NLRP14: variants seen among roughly 807,000 people sequenced by gnomAD.
NLRP14 encodes NLR family pyrin domain containing 14.
Under a neutral mutation model 94.7 loss-of-function variants are expected in NLRP14, and 105 were observed. That is an observed-to-expected ratio of 1.11 (90% CI 0.95 to 1.30). The LOEUF (loss-of-function observed/expected upper bound fraction) is 1.30, where lower values mean the gene tolerates loss of function less well. Ranked by LOEUF, NLRP14 falls within the 50% of genes most tolerant of loss-of-function variation. The pLI is 0.00. For synonymous variants in NLRP14, 508 were observed against 459.9 expected, an observed-to-expected ratio of 1.10 and a Z score of -1.34; for missense variants, 1,362 against 1,254.1, an observed-to-expected ratio of 1.09 and a Z score of -1.30.
chr11:7,080,761 A>T, the NLRP14 span, among the ~76,000 whole-genome samples: 2 of 152,260 alleles, frequency 1.3e-5, no homozygotes, highest in African/African-American at 4.8e-5. Flanking sequence ...ATAGCGTAAG[A>T]CTTAAAGAAA....
chr11:7,058,240 TG>T lies in NLRP14; in HGVS notation c.2463-37del, dbSNP rs1343516753. On this transcript the variant is annotated intron_variant, in intron 7 of 11. Coordinates refer to ENST00000299481, the MANE Select transcript of NLRP14 (RefSeq NM_176822.4). ...TGAAGGAGAAGAGAAGCATGGGCTT[TG>T]GGAATTGACAGATCTCTTCTCATCT... 3 of 1,563,636 alleles carry T rather than the reference TG, an allele frequency of 1.9e-6. No homozygotes were observed. In the East Asian group the frequency reaches 6.7e-5, roughly 35 times the overall value.
At chr11:7,089,729 C>T in the NLRP14 span, 3 of 1,536,616 alleles carry the variant, frequency 2.0e-6, no homozygotes, top group African/African-American at 1.4e-5. Context: ...CCCCGCGCCG[C>T]GACCCCTACC....
chr11:7,089,327 G>A, the NLRP14 span: 1 of 1,607,904 alleles, frequency 6.2e-7, no homozygotes, highest in Non-Finnish European at 8.5e-7. Flanking sequence ...CCAGAGACAT[G>A]AACGGCAAGT....
At chr11:7,085,313 C>T in the NLRP14 span, among the ~76,000 whole-genome samples, 6,297 of 152,246 alleles carry the variant, frequency 0.041, 364 homozygotes, top group African/African-American at 0.13. Context: ...TGTATTCATA[C>T]TGTTGTGTAA....
intron 8 of NLRP14, 116 bp from the exon 9 acceptor site, chr11:7,059,778 T>A (rs1852584226): frequency 1.1e-6 from 1 of 897,080 alleles, no homozygotes; most frequent in Admixed American, 2.0e-5. Context: ...GTGTTTCATC[T>A]GAGATGGAAT....
intron 5 of NLRP14, among the ~76,000 whole-genome samples, 197 bp from the exon 6 acceptor site, chr11:7,049,474 G>A (rs910526682): frequency 3.3e-5 from 5 of 151,950 alleles, no homozygotes; most frequent in South Asian, 2.1e-4. Flanking sequence ...CTTCTTTTCC[G>A]TTAAGGTAAA....
At chr11:7,075,186 A>T (rs908921968), downstream of NLRP14, among the ~76,000 whole-genome samples, 2 of 152,172 alleles carry the variant, frequency 1.3e-5, no homozygotes, top group Non-Finnish European at 2.9e-5. Context: ...CCGTTGGCCA[A>T]CTGGGGATCC....
chr11:7,059,926 G>T lies in NLRP14; in HGVS notation c.2666G>T (p.Ser889Ile). 6.2e-7 allele frequency: 1 copy of T among 1,612,570 alleles called. No homozygotes were observed. The highest frequency in any genetic ancestry group is 2.2e-5 in the East Asian group (1 of 44,860). Residue 889 changes from serine (S) to isoleucine (I), a missense_variant, in exon 9 of 12, where the codon AGT (serine) becomes ATT (isoleucine). By Grantham distance (142) the Ser-to-Ile change is moderately radical. Coordinates refer to ENST00000299481, the MANE Select transcript of NLRP14 (RefSeq NM_176822.4). The part of the protein sequence containing the change: ...LRRCHFTSLS[S>I]EYLSTSLLHN... The stretch of plus-strand genomic sequence containing the variant: ...CGTTGCCATTTCACTTCACTTAGCA[G>T]TGAATATCTGTCAACTTCTCTTCTA...
At chr11:7,088,778 C>G in the NLRP14 span, among the ~76,000 whole-genome samples, 1 of 152,244 alleles carries the variant, frequency 6.6e-6, no homozygotes, top group Admixed American at 6.5e-5. Context: ...CTCATTAAAA[C>G]TAATAGAAAA....
chr11:7,075,207 T>C (rs961783593), downstream of NLRP14, among the ~76,000 whole-genome samples: 5 of 152,190 alleles, frequency 3.3e-5, no homozygotes, highest in South Asian at 2.1e-4. Context: ...ATTCAGTCAG[T>C]TGGGGACTTT....
Position 7,046,688 on chromosome 11 carries a change from A to G in NLRP14, c.1979A>G (p.His660Arg), listed in dbSNP as rs78522234. ...TNTWDGDRIT[H>R]CWQDLCSVLH... Reference sequence around the variant, plus strand: ...CAAAGGGATGGTGATCGCATTACTCACTGTTGGCAAGATCTCTGTTCTGTG... The same window carrying G: ...CAAAGGGATGGTGATCGCATTACTCGCTGTTGGCAAGATCTCTGTTCTGTG... Residue 660 changes from histidine (H) to arginine (R), a missense_variant, in exon 5 of 12, where the codon CAC (histidine) becomes CGC (arginine). By Grantham distance (29) the His-to-Arg change is conservative. Coordinates refer to ENST00000299481, the MANE Select transcript of NLRP14 (RefSeq NM_176822.4). The G allele has an allele frequency of 6.2e-7, 1 of 1,613,760 alleles. No individual in the cohort carries two copies. The highest frequency in any genetic ancestry group is 8.5e-7 in the Non-Finnish European group (1 of 1,179,632).
In NLRP14 at chr11:7,049,724, T is replaced by C; in HGVS notation, c.2177T>C (p.Ile726Thr). Residue 726 changes from isoleucine (I) to threonine (T), a missense_variant, in exon 6 of 12, where the codon ATT becomes ACT. Transcript: ENST00000299481. ...TGTCAGGATATCTCTACTTCTTTGA[T>C]TCATAACAAGAATCTGATGCATCTT... is the stretch of plus-strand genomic sequence containing the variant. ...DGCQDISTSL[I>T]HNKNLMHLDL... is the part of the protein sequence containing the mutation. The C allele has an allele frequency of 1.9e-6, 3 of 1,612,632 alleles. No individual in the cohort carries two copies. The highest frequency in any genetic ancestry group is 2.5e-6 in the Non-Finnish European group (3 of 1,178,668).
At chr11:7,037,754 A>G (rs1313029344) in intron 1 of NLRP14, among the ~76,000 whole-genome samples, 1 of 152,210 alleles carries the variant, frequency 6.6e-6, no homozygotes, top group Non-Finnish European at 1.5e-5. Context: ...TATTAGTAAA[A>G]AATGGGTTAT....
Position 7,057,768 on chromosome 11 carries a change from A to G in NLRP14, c.2383A>G (p.Thr795Ala), listed in dbSNP as rs1459138008. 2 of 1,610,970 alleles carry G rather than the reference A, an allele frequency of 1.2e-6. No homozygotes were observed. The highest frequency in any genetic ancestry group is 1.1e-5 in the South Asian group (1 of 91,018). ...GAGCCTGATATTTCTGAATCTGTCA[A>G]CCAATAATCTGTTGGATGATGGAGT... ...SQSLIFLNLS[T>A]NNLLDDGVQL... Residue 795 changes from threonine to alanine, a missense_variant, in exon 7 of 12, where the codon ACC becomes GCC. Physicochemically the swap from Thr to Ala is moderately conservative, Grantham distance 58 (BLOSUM62 0). Transcript: ENST00000299481.
At chr11:7,061,516 A>G (rs907796872) in intron 9 of NLRP14, among the ~76,000 whole-genome samples, 12 of 152,010 alleles carry the variant, frequency 7.9e-5, no homozygotes, top group African/African-American at 2.7e-4. Context: ...TTTTCAACCA[A>G]TATGAACTAG....
chr11:7,090,152 C>T, the NLRP14 span: 11 of 1,613,682 alleles, frequency 6.8e-6, no homozygotes, highest in South Asian at 6.6e-5. Context: ...ACCGGGTGGG[C>T]AGACCAGATC....
Position 7,071,408 on chromosome 11 carries a change from C to T in NLRP14, c.*100C>T. 1.1e-6 allele frequency: 1 copy of T among 924,226 alleles called. No individual in the cohort carries two copies. 57.3% of individuals were successfully genotyped at this position (924,226 alleles called of 1,614,324 possible). A position where few individuals can be genotyped will look rare whatever the true frequency, so the allele number is the denominator to read the frequency against. On this transcript the variant is annotated 3_prime_UTR_variant, in exon 12 of 12. Transcript: ENST00000299481. The stretch of plus-strand genomic sequence containing the variant: ...TGCTTAGCTTCAGATACTCTATGCC[C>T]AGAGATAGTGCACTTGGCAGCTGTC...
intron 10 of NLRP14, among the ~76,000 whole-genome samples, chr11:7,066,301 T>C (rs1011443310): frequency 6.6e-6 from 1 of 152,258 alleles, no homozygotes; most frequent in Non-Finnish European, 1.5e-5. Flanking sequence ...TCCACAATGG[T>C]TGAACAAATT....
intron 6 of NLRP14, among the ~76,000 whole-genome samples, chr11:7,055,235 G>A (rs1362227961): frequency 6.6e-6 from 1 of 152,056 alleles, no homozygotes; most frequent in African/African-American, 2.4e-5. Context: ...ATAGGCCCAT[G>A]AAGCCTATCC....
Sources: allele counts gnomAD v4.1 joint callset (sites outside exome capture counted in the v4.1 genomes callset), GRCh38; gene constraint gnomAD v4.1.1; transcripts MANE v1.5; gene names NCBI Gene and HGNC (gene_info 2026-07-23, HGNC 2026-07-21).